MECOM: variants seen among roughly 807,000 people sequenced by gnomAD.
MECOM encodes histone-lysine N-methyltransferase MECOM.
Under a neutral mutation model 116.3 loss-of-function variants are expected in MECOM, and 13 were observed. The observed-to-expected ratio is 0.11, with a 90% CI of 0.07 to 0.18. The LOEUF (loss-of-function observed/expected upper bound fraction) is 0.18. MECOM is among the 10% of genes least tolerant of loss of function. The pLI, the probability that MECOM is intolerant of heterozygous loss-of-function variation, is 1.00. For synonymous variants in MECOM, 528 were observed against 535.2 expected (o/e 0.99, Z 0.19); for missense variants, 1,299 against 1,509.0 (o/e 0.86, Z 2.31).
At chr3:169,101,853 T>A (rs1263520994) in intron 11 of MECOM, among the ~76,000 whole-genome samples, 1 of 152,214 alleles carries the variant, frequency 6.6e-6, no homozygotes, top group East Asian at 1.9e-4. Context: ...CACAACCAAA[T>A]GTCCTGTGTT....
At chr3:169,411,668 C>T (rs1164208338) in intron 1 of MECOM, among the ~76,000 whole-genome samples, 2 of 152,232 alleles carry the variant, frequency 1.3e-5, no homozygotes, top group African/African-American at 4.8e-5. Context: ...AGGCCAGGTG[C>T]CATCCACACC....
intron 1 of MECOM, among the ~76,000 whole-genome samples, chr3:169,446,116 T>A (rs191574272): frequency 3.3e-5 from 5 of 152,262 alleles, no homozygotes; most frequent in Admixed American, 6.5e-5. Context: ...GTTAAGACAT[T>A]GGGGGACCAT....
chr3:169,378,144 G>A (rs1468036694), intron 2 of MECOM, among the ~76,000 whole-genome samples: 1 of 151,522 alleles, frequency 6.6e-6, no homozygotes, highest in African/African-American at 2.4e-5. Context: ...GACAGAGAGA[G>A]GGGAGCATCA....
chr3:169,138,997 G>C (rs542814525), intron 3 of MECOM, among the ~76,000 whole-genome samples: 1 of 152,146 alleles, frequency 6.6e-6, no homozygotes, highest in African/African-American at 2.4e-5. Context: ...AGCTAGGATC[G>C]TCCTGGAAGC....
chr3:169,234,147 G>A (rs925669779), intron 2 of MECOM, among the ~76,000 whole-genome samples: 1 of 151,228 alleles, frequency 6.6e-6, no homozygotes, highest in Non-Finnish European at 1.5e-5. Context: ...TTTTGGAGTG[G>A]ACACACAATT....
chr3:169,363,491 C>T (rs948148139), intron 2 of MECOM, among the ~76,000 whole-genome samples: 1 of 151,864 alleles, frequency 6.6e-6, no homozygotes, highest in Admixed American at 6.6e-5. Flanking sequence ...GCTTCTTGAG[C>T]GATCAAGGCA....
intron 1 of MECOM, among the ~76,000 whole-genome samples, chr3:169,520,078 G>C (rs1285596006): frequency 1.3e-5 from 2 of 152,196 alleles, no homozygotes. Context: ...TTAGTTTGGA[G>C]CTGCCCAGAA....
intron 1 of MECOM, among the ~76,000 whole-genome samples, chr3:169,623,281 G>A (rs1770970202): frequency 6.6e-6 from 1 of 152,162 alleles, no homozygotes; most frequent in Non-Finnish European, 1.5e-5. Flanking sequence ...CATGGTTGCA[G>A]CAATCAAAAC....
intron 1 of MECOM, among the ~76,000 whole-genome samples, chr3:169,451,193 A>G (rs560761084): frequency 1.1e-4 from 17 of 151,718 alleles, no homozygotes; most frequent in South Asian, 1.0e-3. Context: ...TGCCCTATGT[A>G]TTTGGACTGA....
chr3:169,129,654 T>C (rs1296130000), intron 4 of MECOM, among the ~76,000 whole-genome samples: 3 of 152,124 alleles, frequency 2.0e-5, no homozygotes, highest in Non-Finnish European at 4.4e-5. Context: ...GTAATACTAT[T>C]CATTTGTTTA....
rs564772290 is a variant in MECOM at position 169,116,975 on chromosome 3, T to G, written c.1133-236A>C. Among the ~76,000 whole-genome samples the G allele has an allele frequency of 1.2e-4, 19 of 152,302 alleles. 1 individual carries two copies. The South Asian group carries it at 3.5e-3, about 28-fold the overall frequency. ...AATATTTCATATATATAGATATATA[T>G]ATCTTGTCACCCCCTTGTGCAATAT... On this transcript the variant is annotated intron_variant, in intron 7 of 16. Transcript: ENST00000651503.
intron 1 of MECOM, among the ~76,000 whole-genome samples, chr3:169,638,999 CT>C (rs1560522389): frequency 6.6e-6 from 1 of 151,646 alleles, no homozygotes; most frequent in East Asian, 1.9e-4. Context: ...GTCTCTTTCT[CT>C]GTTTGCAGCA....
chr3:169,565,306 G>C (rs947685714), intron 1 of MECOM, among the ~76,000 whole-genome samples: 2 of 152,178 alleles, frequency 1.3e-5, no homozygotes, highest in South Asian at 4.1e-4. Flanking sequence ...CTGGAGAATG[G>C]TGTCAGAAAG....
At chr3:169,417,864 A>G (rs1738953576) in intron 1 of MECOM, among the ~76,000 whole-genome samples, 1 of 151,958 alleles carries the variant, frequency 6.6e-6, no homozygotes, top group African/African-American at 2.4e-5. Context: ...AGAACAAAAA[A>G]CCAAACACCA....
At chr3:169,153,784 C>G (rs544950625) in intron 2 of MECOM, among the ~76,000 whole-genome samples, 7 of 152,240 alleles carry the variant, frequency 4.6e-5, no homozygotes, top group Non-Finnish European at 1.0e-4. Context: ...TAATATCAGA[C>G]TATTACGAGT....
chr3:169,566,335 T>A (rs1763239990), intron 1 of MECOM, among the ~76,000 whole-genome samples: 1 of 152,202 alleles, frequency 6.6e-6, no homozygotes, highest in African/African-American at 2.4e-5. Context: ...TGGCAGAGCC[T>A]GAGCACCAAA....
intron 1 of MECOM, among the ~76,000 whole-genome samples, chr3:169,620,544 G>T (rs756410940): frequency 6.6e-6 from 1 of 152,138 alleles, no homozygotes; most frequent in Non-Finnish European, 1.5e-5. Flanking sequence ...CCTTTAAAAG[G>T]GGTTATTTTG....
intron 1 of MECOM, among the ~76,000 whole-genome samples, chr3:169,585,298 C>T (rs957865938): frequency 6.6e-6 from 1 of 152,026 alleles, no homozygotes; most frequent in Non-Finnish European, 1.5e-5. Flanking sequence ...ATGGGACAGG[C>T]AATTGAATAG....
intron 3 of MECOM, chr3:169,131,873 C>T: frequency 9.8e-7 from 1 of 1,018,210 alleles, no homozygotes; most frequent in Non-Finnish European, 1.2e-6. Flanking sequence ...AGCACCCTAG[C>T]AAACCACACG....
Sources: gnomAD v4.1 joint callset for allele counts (sites outside exome capture counted in the v4.1 genomes callset) on GRCh38, gnomAD v4.1.1 for gene constraint, MANE v1.5 for transcripts, NCBI Gene and HGNC (gene_info 2026-07-23, HGNC 2026-07-21) for gene names.